TENM2: variants seen among roughly 807,000 people sequenced by gnomAD.
TENM2 encodes teneurin-2.
In TENM2, 52 loss-of-function variants were observed where a neutral mutation model predicts 245.2. The observed-to-expected ratio is 0.21, with a 90% CI of 0.17 to 0.27. TENM2 has a LOEUF of 0.27. Among genes scored for constraint, TENM2 ranks in the 10% least tolerant of loss-of-function variants. The pLI, the probability that TENM2 is intolerant of heterozygous loss-of-function variation, is 1.00. For missense variants in TENM2, 3,046 were observed against 3,666.8 expected (o/e 0.83, Z 4.37); for synonymous variants, 1,363 against 1,438.9 (o/e 0.95, Z 1.19).
chr5:167,300,006 C>G (rs1158183804), intron 1 of TENM2, among the ~76,000 whole-genome samples: 1 of 152,156 alleles, frequency 6.6e-6, no homozygotes. Context: ...GCAGCAGCAG[C>G]TGCTGCACGC....
At chr5:168,161,145 A>C (rs1757708029) in intron 12 of TENM2, among the ~76,000 whole-genome samples, 1 of 152,212 alleles carries the variant, frequency 6.6e-6, no homozygotes, top group Admixed American at 6.5e-5. Context: ...CGGAGAGAAG[A>C]GCAGGGGAGA....
At chr5:167,008,466 A>C in the TENM2 span, among the ~76,000 whole-genome samples, 42 of 152,232 alleles carry the variant, frequency 2.8e-4, no homozygotes, top group Admixed American at 2.7e-3. Context: ...ATTTTTTCTT[A>C]ATCTGATGAG....
intron 5 of TENM2, among the ~76,000 whole-genome samples, chr5:167,995,780 T>C (rs1292955485): frequency 1.3e-5 from 2 of 152,182 alleles, no homozygotes; most frequent in East Asian, 3.9e-4. Flanking sequence ...AAGCAGTATA[T>C]TATTACTTAC....
chr5:166,995,869 T>G, the TENM2 span, among the ~76,000 whole-genome samples: 1 of 146,080 alleles, frequency 6.8e-6, no homozygotes, highest in African/African-American at 2.5e-5. Flanking sequence ...AATGAGGAAA[T>G]TGTCACAAAT....
At chr5:167,636,404 TA>T (rs2150232941) in intron 2 of TENM2, among the ~76,000 whole-genome samples, 1 of 152,374 alleles carries the variant, frequency 6.6e-6, no homozygotes, top group East Asian at 1.9e-4. Context: ...TTCCATGTTT[TA>T]CTTCGGGATG....
At chr5:167,128,579 C>G in the TENM2 span, among the ~76,000 whole-genome samples, 1 of 151,868 alleles carries the variant, frequency 6.6e-6, no homozygotes, top group Non-Finnish European at 1.5e-5. Flanking sequence ...CCCCTGTTCC[C>G]TCTTTCACCT....
At chr5:167,973,960 T>C (rs1050166877) in intron 4 of TENM2, among the ~76,000 whole-genome samples, 2 of 145,926 alleles carry the variant, frequency 1.4e-5, no homozygotes, top group Admixed American at 7.1e-5. Flanking sequence ...TAAAAGTACA[T>C]TGAAGTTAAC....
At chr5:167,344,292 A>G (rs1443182912) in intron 1 of TENM2, among the ~76,000 whole-genome samples, 1 of 110,430 alleles carries the variant, frequency 9.1e-6, no homozygotes, top group Non-Finnish European at 1.8e-5. Context: ...GCACACACAC[A>G]CACACACACA....
At chr5:167,234,927 T>A in the TENM2 span, among the ~76,000 whole-genome samples, 249 of 152,324 alleles carry the variant, frequency 1.6e-3, no homozygotes, top group Middle Eastern at 0.058. Context: ...TCAATGTAAC[T>A]GCTTTGCCAC....
intron 25 of TENM2, among the ~76,000 whole-genome samples, chr5:168,232,029 G>A (rs1358529191): frequency 6.6e-6 from 1 of 151,780 alleles, no homozygotes; most frequent in East Asian, 2.0e-4. Context: ...ATCATGCCCT[G>A]TACTCCAGCC....
the TENM2 span, among the ~76,000 whole-genome samples, chr5:167,199,097 TAAAA>T: frequency 5.0e-5 from 4 of 79,312 alleles, no homozygotes; most frequent in Admixed American, 2.8e-4. Context: ...TGATATGAAG[TAAAA>T]AAAAAAAAAA....
At chr5:167,635,631 G>GTTTTTTTTTTTTTT (rs1561623173) in intron 2 of TENM2, among the ~76,000 whole-genome samples, 3 of 90,972 alleles carry the variant, frequency 3.3e-5, no homozygotes, top group East Asian at 1.2e-3. Flanking sequence ...GATCAGTACA[G>GTTTTTTTTTTTTTT]TCTTTTTTTT....
chr5:167,139,438 T>A, the TENM2 span, among the ~76,000 whole-genome samples: 1 of 152,246 alleles, frequency 6.6e-6, no homozygotes, highest in African/African-American at 2.4e-5. Flanking sequence ...ACACATAGAT[T>A]CATATTTTGG....
rs557307793 is a variant in TENM2 at position 167,623,190 on chromosome 5, A to ATTTT, written c.502+247717_502+247718insTTTT. ...CAACTGCTTTGAATGTAGATCATTG[A>ATTTT]ATAAGTCCCCCTCCTCTGAAATAAA... On this transcript the variant is annotated intron_variant, in intron 2 of 28. Transcript: ENST00000518659. Among the ~76,000 whole-genome samples, 1,210 of 152,228 alleles carry ATTTT rather than the reference A, an allele frequency of 7.9e-3. 19 individuals are homozygous for ATTTT. The highest frequency in any genetic ancestry group is 0.028 in the African/African-American group (1,157 of 41,548).
At chr5:167,059,025 C>G in the TENM2 span, among the ~76,000 whole-genome samples, 2 of 152,114 alleles carry the variant, frequency 1.3e-5, no homozygotes, top group African/African-American at 2.4e-5. Context: ...AGGTAATTCT[C>G]TTGCCTTAGG....
chr5:167,243,028 T>G, the TENM2 span, among the ~76,000 whole-genome samples: 1 of 146,670 alleles, frequency 6.8e-6, no homozygotes, highest in African/African-American at 2.5e-5. Flanking sequence ...CATGTTGAGG[T>G]TTTTTTTTTT....
chr5:167,609,164 T>C (rs916022870), intron 2 of TENM2, among the ~76,000 whole-genome samples: 2 of 152,142 alleles, frequency 1.3e-5, no homozygotes, highest in Non-Finnish European at 2.9e-5. Flanking sequence ...TGTTTCATAG[T>C]CTGGCCATAA....
intron 3 of TENM2, among the ~76,000 whole-genome samples, chr5:167,891,322 C>A (rs953598364): frequency 3.3e-5 from 5 of 152,144 alleles, no homozygotes; most frequent in Non-Finnish European, 7.3e-5. Context: ...GTCACACAGG[C>A]TGGAGTGCAG....
intron 2 of TENM2, among the ~76,000 whole-genome samples, chr5:167,529,018 C>T (rs1042272337): frequency 6.6e-6 from 1 of 152,080 alleles, no homozygotes; most frequent in African/African-American, 2.4e-5. Context: ...AATGATTTCT[C>T]TAATAGTCTG....
Sources: gnomAD v4.1 joint callset for allele counts (sites outside exome capture counted in the v4.1 genomes callset) on GRCh38, gnomAD v4.1.1 for gene constraint, MANE v1.5 for transcripts, NCBI Gene and HGNC (gene_info 2026-07-23, HGNC 2026-07-21) for gene names.